Variants in CCDC191 observed in about 807,000 individuals in gnomAD.
CCDC191 encodes the protein coiled-coil domain-containing protein 191.
Under a neutral mutation model 114.0 loss-of-function variants are expected in CCDC191, and 99 were observed. The ratio of observed to expected loss-of-function variants is 0.87; its 90% CI spans 0.74 to 1.03. The LOEUF (loss-of-function observed/expected upper bound fraction) is 1.03, where lower values mean the gene tolerates loss of function less well. CCDC191 is among the 50% of genes least tolerant of loss of function. CCDC191 has a pLI of 0.00. For synonymous variants in CCDC191, 351 were observed against 376.0 expected (o/e 0.93, Z 0.77); for missense variants, 973 against 1,087.0 (o/e 0.90, Z 1.47).
chr3:114,045,630 T>C (rs1332749280), intron 3 of CCDC191, among the ~76,000 whole-genome samples: 1 of 152,170 alleles, frequency 6.6e-6, no homozygotes, highest in African/African-American at 2.4e-5. Flanking sequence ...ATCTAAATTC[T>C]TTCCCCAGGC....
chr3:114,019,411 T>C (rs566597849), intron 7 of CCDC191, among the ~76,000 whole-genome samples: 1 of 152,290 alleles, frequency 6.6e-6, no homozygotes, highest in African/African-American at 2.4e-5. Context: ...TTGGTGAGTC[T>C]AGAAAGACTA....
chr3:114,003,894 G>A (rs920397147), intron 11 of CCDC191: 16 of 985,334 alleles, frequency 1.6e-5, no homozygotes, highest in Non-Finnish European at 1.9e-5. Flanking sequence ...TACAGTGAAG[G>A]ACTAAGCATA....
chr3:113,997,340 G>A (rs2075748533), intron 13 of CCDC191, among the ~76,000 whole-genome samples: 1 of 152,004 alleles, frequency 6.6e-6, no homozygotes, highest in South Asian at 2.1e-4. Context: ...ACACACAGAT[G>A]GATAGATTCA....
intron 4 of CCDC191, among the ~76,000 whole-genome samples, chr3:114,039,007 T>C (rs2076525130): frequency 6.6e-6 from 1 of 152,098 alleles, no homozygotes; most frequent in Admixed American, 6.6e-5. Context: ...CGGTACATCC[T>C]GCACATGTAC....
chr3:114,055,224 A>G (rs1198145048), intron 1 of CCDC191, among the ~76,000 whole-genome samples: 1 of 152,176 alleles, frequency 6.6e-6, no homozygotes, highest in Non-Finnish European at 1.5e-5. Flanking sequence ...AAGAAGCCCT[A>G]TGTTTTTACC....
chr3:113,983,277 C>T (rs919785033), intron 13 of CCDC191, among the ~76,000 whole-genome samples: 4 of 152,118 alleles, frequency 2.6e-5, no homozygotes, highest in African/African-American at 7.2e-5. Context: ...TATTTATAGT[C>T]CTTAGGACTT....
intron 4 of CCDC191, among the ~76,000 whole-genome samples, chr3:114,040,993 T>C (rs1577468715): frequency 6.6e-6 from 1 of 151,924 alleles, no homozygotes; most frequent in East Asian, 1.9e-4. Flanking sequence ...TCCTTTTTAA[T>C]GGTTACATAA....
At chr3:114,003,848 AT>A in intron 11 of CCDC191, 1 of 985,446 alleles carries the variant, frequency 1.0e-6, no homozygotes, top group Middle Eastern at 5.2e-4. Context: ...CCACAATATA[AT>A]TGTCAAAGTG....
intron 16 of CCDC191, among the ~76,000 whole-genome samples, chr3:113,967,563 A>G (rs543171574): frequency 6.6e-6 from 1 of 152,318 alleles, no homozygotes; most frequent in East Asian, 1.9e-4. Context: ...TTATACATTC[A>G]TGTAATGTGT....
chr3:114,004,088 G>A (rs2075902351), intron 11 of CCDC191: 4 of 945,736 alleles, frequency 4.2e-6, no homozygotes, highest in Non-Finnish European at 3.8e-6. Context: ...GGGCAACACA[G>A]GAAGACCCTG....
chr3:114,038,472 T>C (rs1185278549), intron 4 of CCDC191, among the ~76,000 whole-genome samples: 2 of 152,232 alleles, frequency 1.3e-5, no homozygotes, highest in Admixed American at 6.5e-5. Flanking sequence ...AACAGTCGTA[T>C]AAAAGTATAG....
Position 114,036,799 on chromosome 3 carries a change from GAAC to G in CCDC191, c.416-16_416-14del, listed in dbSNP as rs1455170595. On this transcript the variant is annotated splice_polypyrimidine_tract_variant and intron_variant, in intron 4 of 16. Transcript: ENST00000295878. ...TAGCCACATAAATCTGGGGGAAACA[GAAC>G]AACAAAAAAGGGAATTTTTTTAAAA... The G allele has an allele frequency of 6.7e-7, 1 of 1,490,208 alleles. No homozygotes were observed. The highest frequency in any genetic ancestry group is 8.9e-7 in the Non-Finnish European group (1 of 1,120,744). The allele number at this position is 1,490,208 out of a possible 1,614,324, so 92.3% of individuals were successfully genotyped here.
intron 1 of CCDC191, among the ~76,000 whole-genome samples, chr3:114,054,885 A>G (rs1213513653): frequency 2.6e-5 from 4 of 152,172 alleles, no homozygotes; most frequent in African/African-American, 9.6e-5. Context: ...TCTTCACTAA[A>G]AATTCAGGTG....
intron 3 of CCDC191, among the ~76,000 whole-genome samples, chr3:114,046,141 TGGTA>T (rs1442390486): frequency 6.6e-6 from 1 of 152,198 alleles, no homozygotes; most frequent in Non-Finnish European, 1.5e-5. Flanking sequence ...TATACCTAAA[TGGTA>T]GAGTTCCCCA....
intron 16 of CCDC191, among the ~76,000 whole-genome samples, chr3:113,972,808 T>G (rs1249445168): frequency 6.6e-6 from 1 of 152,214 alleles, no homozygotes; most frequent in African/African-American, 2.4e-5. Flanking sequence ...CATTATATAA[T>G]GACCTTTCTT....
At chr3:113,984,367 A>G (rs924834493) in intron 13 of CCDC191, 6 of 152,178 alleles carry the variant, frequency 3.9e-5, no homozygotes, top group African/African-American at 1.4e-4. Flanking sequence ...CAAATGATTC[A>G]GAGAAGTCTC....
At chr3:114,011,662 G>T (rs2076072607) in intron 8 of CCDC191, among the ~76,000 whole-genome samples, 3 of 152,144 alleles carry the variant, frequency 2.0e-5, no homozygotes, top group African/African-American at 7.2e-5. Flanking sequence ...CAAAGGCAAG[G>T]CCCCTGGTCT....
chr3:114,004,622 C>A lies in CCDC191; in HGVS notation c.1978+15G>T. The A allele has an allele frequency of 6.2e-7, 1 of 1,610,258 alleles. No individual in the cohort carries two copies. Among genetic ancestry groups the A allele is most frequent in the Non-Finnish European group, 8.5e-7 (1 of 1,177,836 alleles). ...AAGATAACAACCACCAAGGCCACCA[C>A]CGAGACAGCCCTGCCTTTTAGTATG... On this transcript the variant is annotated intron_variant, in intron 11 of 16. Transcript: ENST00000295878.
rs898537237 is a variant in CCDC191, at chr3:114,035,134, G to A, written c.609C>T (p.Arg203=). The part of the protein sequence containing the change: ...EMRHKQVKEN[R]LRREKELEYQ... ...ACTCCAGTTCTTTCTCACGTCTTAA[G>A]CGATTTTCTTTTACCTTAAAGCAAA... Residue 203 remains arginine (R), a synonymous_variant, in exon 6 of 17, where the codon CGC becomes CGT. Coordinates refer to ENST00000295878, the MANE Select transcript of CCDC191 (RefSeq NM_020817.2). 3.1e-6 allele frequency: 5 copies of A among 1,612,546 alleles called. No homozygotes were observed. Among genetic ancestry groups the A allele is most frequent in the Non-Finnish European group, 4.2e-6 (5 of 1,179,586 alleles).
Sources: gnomAD v4.1 joint callset for allele counts (sites outside exome capture counted in the v4.1 genomes callset) on GRCh38, gnomAD v4.1.1 for gene constraint, MANE v1.5 for transcripts, NCBI Gene and HGNC (gene_info 2026-07-23, HGNC 2026-07-21) for gene names.